Variants in GPR158 observed in about 807,000 individuals in gnomAD.
GPR158 encodes G protein-coupled receptor 158, also known as metabotropic glycine receptor.
Under a neutral mutation model 78.2 loss-of-function variants are expected in GPR158, and 30 were observed. The ratio of observed to expected loss-of-function variants is 0.38; its 90% CI spans 0.29 to 0.52. The LOEUF (loss-of-function observed/expected upper bound fraction) is 0.52, where lower values mean the gene tolerates loss of function less well. GPR158 is among the 20% of genes least tolerant of loss of function. The probability of loss-of-function intolerance (pLI) is 0.83; values close to 1 mark genes in which losing one functional copy is unlikely to be tolerated. For synonymous variants in GPR158, 581 were observed against 591.1 expected, an observed-to-expected ratio of 0.98 and a Z score of 0.25; for missense variants, 1,463 against 1,523.5, an observed-to-expected ratio of 0.96 and a Z score of 0.66.
intron 5 of GPR158, among the ~76,000 whole-genome samples, chr10:25,543,128 TTTTA>T (rs1836610761): frequency 2.8e-5 from 4 of 141,766 alleles, no homozygotes; most frequent in South Asian, 2.3e-4. Context: ...TTATTTTTAT[TTTTA>T]TTTTTTGAGA....
At chr10:25,249,812 T>G (rs540381024) in intron 2 of GPR158, among the ~76,000 whole-genome samples, 1 of 151,872 alleles carries the variant, frequency 6.6e-6, no homozygotes, top group African/African-American at 2.4e-5. Context: ...GGTATCAGAA[T>G]GATGCTGGCC....
At chr10:25,338,492 T>TATACGTAATATATATATTACGTATATATA (rs1855252418) in intron 2 of GPR158, among the ~76,000 whole-genome samples, 2 of 129,068 alleles carry the variant, frequency 1.5e-5, no homozygotes, top group Non-Finnish European at 3.3e-5. Flanking sequence ...ATACGTATAA[T>TATACGTAATATATATATTACGTATATATA]ATACGTATAT....
At chr10:25,476,085 T>C (rs1835579804) in intron 5 of GPR158, 1 of 152,130 alleles carries the variant, frequency 6.6e-6, no homozygotes, top group Non-Finnish European at 1.5e-5. Context: ...AATTTAGCAT[T>C]GTTATATTGG....
intron 5 of GPR158, among the ~76,000 whole-genome samples, chr10:25,528,816 GT>G (rs1316340741): frequency 2.0e-5 from 3 of 152,134 alleles, no homozygotes; most frequent in Non-Finnish European, 4.4e-5. Flanking sequence ...CTAAGTCAGT[GT>G]TTTAAAAGAA....
At chr10:25,445,296 G>A (rs1213388455) in intron 4 of GPR158, among the ~76,000 whole-genome samples, 1 of 152,098 alleles carries the variant, frequency 6.6e-6, no homozygotes, top group East Asian at 1.9e-4. Context: ...ATAAGAAAGA[G>A]CAGCATCTGC....
intron 2 of GPR158, among the ~76,000 whole-genome samples, chr10:25,352,921 G>GA (rs1258321611): frequency 6.6e-6 from 1 of 151,828 alleles, no homozygotes; most frequent in African/African-American, 2.4e-5. Context: ...TATATGCTCA[G>GA]AAAAATACAT....
chr10:25,563,354 T>C (rs1000567460), intron 6 of GPR158, among the ~76,000 whole-genome samples: 1 of 151,936 alleles, frequency 6.6e-6, no homozygotes, highest in East Asian at 1.9e-4. Context: ...CTACGGTAAC[T>C]CTCTTATAGA....
Position 25,403,498 on chromosome 10 carries a change from T to G in GPR158, c.1111+7485T>G, listed in dbSNP as rs138366697. On this transcript the variant is annotated intron_variant, in intron 3 of 10. Coordinates refer to ENST00000376351, the MANE Select transcript of GPR158 (RefSeq NM_020752.3). Reference sequence around the variant, plus strand: ...AGCTTTATACATTTTCCATTTGTCTTCAGGAAGTATTTGTTTTATCTGAAA... The same window carrying G: ...AGCTTTATACATTTTCCATTTGTCTGCAGGAAGTATTTGTTTTATCTGAAA... Among the ~76,000 whole-genome samples, 263 of 152,174 alleles carry G rather than the reference T, an allele frequency of 1.7e-3. 2 individuals are homozygous for G. Among genetic ancestry groups the G allele is most frequent in the Admixed American group, 1.4e-3 (21 of 15,262 alleles).
intron 5 of GPR158, among the ~76,000 whole-genome samples, chr10:25,547,536 G>A (rs1211377038): frequency 6.6e-6 from 1 of 152,062 alleles, no homozygotes; most frequent in Admixed American, 6.6e-5. Context: ...TCGCTCACTT[G>A]TCAGCCCTTC....
intron 1 of GPR158, among the ~76,000 whole-genome samples, chr10:25,207,690 A>G (rs1360015313): frequency 6.6e-6 from 1 of 152,128 alleles, no homozygotes; most frequent in African/African-American, 2.4e-5. Context: ...ATGGACTGGT[A>G]CCAGTCCATG....
chr10:25,572,438 A>G (rs761516560), intron 6 of GPR158, among the ~76,000 whole-genome samples: 9 of 152,280 alleles, frequency 5.9e-5, no homozygotes, highest in East Asian at 1.9e-4. Context: ...GATGCAGTAC[A>G]CTATGATTGT....
At chr10:25,406,439 TCTC>T (rs1259119132) in intron 3 of GPR158, among the ~76,000 whole-genome samples, 1 of 152,092 alleles carries the variant, frequency 6.6e-6, no homozygotes, top group Non-Finnish European at 1.5e-5. Flanking sequence ...CTATATCTGA[TCTC>T]CTTCTATCAC....
intron 1 of GPR158, among the ~76,000 whole-genome samples, chr10:25,207,644 TC>T (rs1334900988): frequency 6.6e-6 from 1 of 152,174 alleles, no homozygotes; most frequent in Non-Finnish European, 1.5e-5. Context: ...CACCTGCTGC[TC>T]ACCTCCTGCT....
intron 1 of GPR158, among the ~76,000 whole-genome samples, chr10:25,202,531 T>G (rs1189261063): frequency 6.6e-6 from 1 of 152,218 alleles, no homozygotes; most frequent in Non-Finnish European, 1.5e-5. Flanking sequence ...TGTGACAGTT[T>G]GCTCAGAACG....
intron 1 of GPR158, among the ~76,000 whole-genome samples, chr10:25,200,905 G>A (rs562814686): frequency 2.0e-4 from 22 of 112,018 alleles, no homozygotes; most frequent in African/African-American, 6.8e-4. Context: ...ATGCTGTTTT[G>A]GTTACTGTAG....
In GPR158 at chr10:25,395,477, A is replaced by G. The variant is rs1452230045; in HGVS notation, c.1009-434A>G. Among the ~76,000 whole-genome samples, 3 of 152,086 alleles carry G rather than the reference A, an allele frequency of 2.0e-5. No individual in the cohort carries two copies. The South Asian group carries it at 6.2e-4, about 32-fold the overall frequency. On this transcript the variant is annotated intron_variant, in intron 2 of 10. Transcript: ENST00000376351. ...TCATAAAAGCAATTTTCACATCTTA[A>G]ATTTTACTATCTGTTTACCTACCTA...
At chr10:25,452,032 G>T (rs904139193) in intron 4 of GPR158, among the ~76,000 whole-genome samples, 1 of 151,826 alleles carries the variant, frequency 6.6e-6, no homozygotes, top group African/African-American at 2.4e-5. Flanking sequence ...GTTTGGTTTG[G>T]TTTGGTTTTT....
At chr10:25,342,920 A>C (rs1194803209) in intron 2 of GPR158, among the ~76,000 whole-genome samples, 1 of 151,810 alleles carries the variant, frequency 6.6e-6, no homozygotes, top group Non-Finnish European at 1.5e-5. Context: ...TGGGGAGTGT[A>C]CTGGGGATAA....
At chr10:25,194,267 A>T (rs541857044) in intron 1 of GPR158, among the ~76,000 whole-genome samples, 1 of 152,240 alleles carries the variant, frequency 6.6e-6, no homozygotes, top group East Asian at 1.9e-4. Context: ...GGCTGGGCCC[A>T]GTGGCTCATG....
Sources: gnomAD v4.1 joint callset for allele counts (sites outside exome capture counted in the v4.1 genomes callset) on GRCh38, gnomAD v4.1.1 for gene constraint, MANE v1.5 for transcripts, NCBI Gene and HGNC (gene_info 2026-07-23, HGNC 2026-07-21) for gene names.